The following CADM1 variants were observed in gnomAD, a reference collection of about 807,000 sequenced individuals.
The protein encoded by CADM1 is TSLC-1.
Under a neutral mutation model 53.1 loss-of-function variants are expected in CADM1, and 15 were observed. The ratio of observed to expected loss-of-function variants is 0.28; its 90% CI spans 0.19 to 0.44. The LOEUF (loss-of-function observed/expected upper bound fraction) is 0.44, where lower values mean the gene tolerates loss of function less well. CADM1 is among the 20% of genes least tolerant of loss of function. The pLI, the probability that CADM1 is intolerant of heterozygous loss-of-function variation, is 1.00. For synonymous variants in CADM1, 281 were observed against 243.0 expected (o/e 1.16, Z -1.45); for missense variants, 434 against 611.3 (o/e 0.71, Z 3.06).
chr11:115,179,851 T>C (rs1295904172), intron 10 of CADM1, among the ~76,000 whole-genome samples: 1 of 152,164 alleles, frequency 6.6e-6, no homozygotes, highest in Non-Finnish European at 1.5e-5. Flanking sequence ...TGAAGTCATA[T>C]GTGAAGGATT....
intron 1 of CADM1, among the ~76,000 whole-genome samples, chr11:115,303,550 G>A (rs140384007): frequency 6.6e-6 from 1 of 152,166 alleles, no homozygotes; most frequent in East Asian, 1.9e-4. Flanking sequence ...GCAAGATTGT[G>A]TAATTTGCAT....
intron 1 of CADM1, among the ~76,000 whole-genome samples, chr11:115,460,783 GA>G (rs146672748): frequency 0.13 from 17,918 of 143,328 alleles, 1,221 homozygotes; most frequent in South Asian, 0.3. Flanking sequence ...TAGAAAGAAA[GA>G]AAAAAAAAAA....
intron 1 of CADM1, among the ~76,000 whole-genome samples, chr11:115,395,961 C>T (rs1946984275): frequency 6.6e-6 from 1 of 152,160 alleles, no homozygotes; most frequent in African/African-American, 2.4e-5. Context: ...TGGTTCATGA[C>T]ATTCAAAGAG....
At chr11:115,183,658 T>G (rs1169887801) in intron 10 of CADM1, among the ~76,000 whole-genome samples, 2 of 152,224 alleles carry the variant, frequency 1.3e-5, no homozygotes, top group Admixed American at 6.5e-5. Flanking sequence ...CAATAAAGTA[T>G]GCAGCATGAG....
At chr11:115,271,321 C>T (rs954369719) in intron 1 of CADM1, among the ~76,000 whole-genome samples, 2 of 152,056 alleles carry the variant, frequency 1.3e-5, no homozygotes, top group Non-Finnish European at 2.9e-5. Flanking sequence ...GTCACTCTGT[C>T]GCCCAGGCTA....
At chr11:115,177,950 CA>C (rs1304362365) in intron 11 of CADM1, among the ~76,000 whole-genome samples, 6 of 151,964 alleles carry the variant, frequency 3.9e-5, no homozygotes, top group Non-Finnish European at 8.8e-5. Flanking sequence ...CTGAGAGAGA[CA>C]GGGGCGGACA....
intron 1 of CADM1, among the ~76,000 whole-genome samples, chr11:115,364,348 A>G (rs1291454869): frequency 6.6e-6 from 1 of 152,104 alleles, no homozygotes. Context: ...AAACCCTCCC[A>G]ATTAACATTC....
chr11:115,217,663 T>A (rs1941244369), intron 6 of CADM1, among the ~76,000 whole-genome samples: 1 of 152,134 alleles, frequency 6.6e-6, no homozygotes, highest in East Asian at 1.9e-4. Flanking sequence ...TAAAATAGAA[T>A]TAGCTGAGAT....
At chr11:115,267,927 T>G (rs943671891) in intron 1 of CADM1, among the ~76,000 whole-genome samples, 14 of 152,060 alleles carry the variant, frequency 9.2e-5, no homozygotes, top group African/African-American at 3.4e-4. Context: ...GGAATGAAAG[T>G]GAGTAAATAG....
intron 1 of CADM1, among the ~76,000 whole-genome samples, chr11:115,362,714 G>GA (rs887275205): frequency 2.7e-5 from 4 of 150,516 alleles, no homozygotes; most frequent in African/African-American, 7.3e-5. Context: ...AAAAGCAAAG[G>GA]AAAAAAAAGG....
intron 1 of CADM1, among the ~76,000 whole-genome samples, chr11:115,371,006 A>G (rs1163188664): frequency 6.6e-6 from 1 of 152,204 alleles, no homozygotes; most frequent in African/African-American, 2.4e-5. Flanking sequence ...GGGGTGCAAA[A>G]TAAAAGCAGC....
chr11:115,499,524 T>C (rs754303332), intron 1 of CADM1, among the ~76,000 whole-genome samples: 7 of 152,380 alleles, frequency 4.6e-5, no homozygotes, highest in Admixed American at 6.5e-5. Context: ...CAATTAATCT[T>C]GCTGCCTTCA....
chr11:115,229,186 G>A lies in CADM1; in HGVS notation c.648C>T (p.Val216=), dbSNP rs1248562701. 1 of 1,613,974 alleles carries A rather than the reference G, an allele frequency of 6.2e-7. No individual in the cohort carries two copies. Among genetic ancestry groups the A allele is most frequent in the East Asian group, 2.2e-5 (1 of 44,854 alleles). ...GGTGCTCCACCTGGCAGATCACTGG[G>A]ACCCCATCGTCCTCCTTGTGCACCT... ...MLKVHKEDDG[V]PVICQVEHPA... Residue 216 remains valine (V), a synonymous_variant, in exon 5 of 12, where the codon GTC becomes GTT. Transcript: ENST00000331581.
chr11:115,450,244 A>G (rs220840), intron 1 of CADM1, among the ~76,000 whole-genome samples: 131,962 of 152,170 alleles, frequency 0.87, 57,448 homozygotes, highest in East Asian at 0.99. Flanking sequence ...CAAGAGCACC[A>G]ATCATAAAAT....
chr11:115,262,287 A>C (rs1319458866), intron 1 of CADM1, among the ~76,000 whole-genome samples: 1 of 152,160 alleles, frequency 6.6e-6, no homozygotes, highest in Admixed American at 6.5e-5. Flanking sequence ...TGCTATTCTT[A>C]CTTTTAAAGC....
intron 1 of CADM1, among the ~76,000 whole-genome samples, chr11:115,283,142 T>G (rs946165994): frequency 5.3e-5 from 8 of 152,208 alleles, no homozygotes; most frequent in African/African-American, 1.9e-4. Flanking sequence ...CTGCTTCATA[T>G]AGTTTTCTAA....
At chr11:115,347,593 G>C (rs1423936652) in intron 1 of CADM1, among the ~76,000 whole-genome samples, 1 of 152,058 alleles carries the variant, frequency 6.6e-6, no homozygotes, top group Non-Finnish European at 1.5e-5. Context: ...TTTTTGACAT[G>C]CAAGAAGATA....
intron 1 of CADM1, among the ~76,000 whole-genome samples, chr11:115,357,897 T>C (rs1422698055): frequency 6.6e-6 from 1 of 152,114 alleles, no homozygotes; most frequent in African/African-American, 2.4e-5. Flanking sequence ...AAAAAGTCTG[T>C]CTTTTGGGAG....
chr11:115,381,242 C>G (rs573620464), intron 1 of CADM1, among the ~76,000 whole-genome samples: 2 of 150,374 alleles, frequency 1.3e-5, no homozygotes, highest in African/African-American at 4.9e-5. Flanking sequence ...TGCAGTGAGC[C>G]GAGATGGCGC....
Sources: allele counts gnomAD v4.1 joint callset (sites outside exome capture counted in the v4.1 genomes callset), GRCh38; gene constraint gnomAD v4.1.1; transcripts MANE v1.5; gene names NCBI Gene and HGNC (gene_info 2026-07-23, HGNC 2026-07-21).